GPSM1: variants seen among roughly 807,000 people sequenced by gnomAD.
GPSM1 encodes the protein G protein signaling modulator 1.
Under a neutral mutation model 70.5 loss-of-function variants are expected in GPSM1, and 48 were observed. The ratio of observed to expected loss-of-function variants is 0.68; its 90% CI spans 0.54 to 0.87. The LOEUF (loss-of-function observed/expected upper bound fraction) is 0.87. Among genes scored for constraint, GPSM1 ranks in the 40% least tolerant of loss-of-function variants. The pLI, the probability that GPSM1 is intolerant of heterozygous loss-of-function variation, is 0.00. For synonymous variants in GPSM1, 416 were observed against 430.1 expected (o/e 0.97, Z 0.41); for missense variants, 981 against 972.6 (o/e 1.01, Z -0.11).
rs61744892 is a variant in GPSM1 at position 136,349,643 on chromosome 9, G to A, written c.1335G>A (p.Ser445=). Reference sequence around the variant, plus strand: ...ACTGGCGGGGGCCCAGCAGGGACTCGCTACCCCTCCCCGTGAGGAGCAGGA... The same window carrying A: ...ACTGGCGGGGGCCCAGCAGGGACTCACTACCCCTCCCCGTGAGGAGCAGGA... ...SGDWRGPSRD[S]LPLPVRSRKY... is the part of the protein sequence containing the mutation. The change falls in exon 11 of 14, where the codon TCG becomes TCA. Residue 445 remains serine (S), a synonymous_variant. Transcript: ENST00000440944. 7.7e-6 allele frequency: 12 copies of A among 1,550,054 alleles called. No individual in the cohort carries two copies. Among genetic ancestry groups the A allele is most frequent in the African/African-American group, 5.5e-5 (4 of 73,070 alleles).
At chr9:136,357,211 G>A (rs1554773360) in intron 13 of GPSM1, among the ~76,000 whole-genome samples, 1 of 152,226 alleles carries the variant, frequency 6.6e-6, no homozygotes, top group African/African-American at 2.4e-5. Context: ...CCTGTGGGGT[G>A]CAGCCATTGC....
chr9:136,339,093 T>C (rs1458932260), intron 7 of GPSM1, among the ~76,000 whole-genome samples: 3 of 152,156 alleles, frequency 2.0e-5, no homozygotes, highest in African/African-American at 4.8e-5. Flanking sequence ...CCTGTGGCCT[T>C]TCACAGGCAG....
At chr9:136,338,487 C>G in intron 6 of GPSM1, 68 bp from the exon 7 acceptor site, 1 of 1,475,806 alleles carries the variant, frequency 6.8e-7, no homozygotes, top group Non-Finnish European at 9.2e-7. Context: ...GACTGCGTCC[C>G]CATTCTTACC....
intron 7 of GPSM1, 58 bp downstream of exon 7, chr9:136,338,768 CG>C: frequency 6.7e-7 from 1 of 1,482,842 alleles, no homozygotes; most frequent in South Asian, 1.3e-5. Context: ...TGAATTACCG[CG>C]GCCCAGGCGA....
intron 1 of GPSM1, among the ~76,000 whole-genome samples, chr9:136,331,376 C>T (rs1047574431): frequency 3.3e-5 from 5 of 151,098 alleles, no homozygotes; most frequent in Non-Finnish European, 5.9e-5. Flanking sequence ...CCCCCCCCCC[C>T]GCTGCCCCAT....
At chr9:136,349,507 C>T (rs1237570401) in intron 10 of GPSM1, 80 bp from the exon 11 acceptor site, 3 of 1,301,260 alleles carry the variant, frequency 2.3e-6, no homozygotes, top group South Asian at 2.9e-5. Context: ...TGGAGGCGGC[C>T]TGGCCTTCCC....
intron 4 of GPSM1, 147 bp from the exon 5 acceptor site, chr9:136,337,294 C>G: frequency 7.7e-7 from 1 of 1,294,936 alleles, no homozygotes; most frequent in African/African-American, 1.5e-5. Flanking sequence ...GGTCTCAGAG[C>G]TCGAGGACCC....
rs1240074544 is a variant in GPSM1, at chr9:136,349,758, C to T, written c.1450C>T (p.Arg484Cys). 25 of 1,577,938 alleles carry T rather than the reference C, an allele frequency of 1.6e-5. No homozygotes were observed. The highest frequency in any genetic ancestry group is 4.6e-5 in the East Asian group (2 of 43,500). The stretch of plus-strand genomic sequence containing the variant: ...CGCCGACGTCCGGGTGCACGTGCCA[C>T]GCACGGTAGGCGTCTTTGACGGCAG... Reference protein sequence around the residue: ...DSADVRVHVPRTSIPRAPSSD... With the variant: ...DSADVRVHVPCTSIPRAPSSD... Residue 484 changes from arginine to cysteine, a missense_variant, in exon 11 of 14, where the codon CGC becomes TGC. Transcript: ENST00000440944.
intron 1 of GPSM1, among the ~76,000 whole-genome samples, chr9:136,331,563 G>A (rs1010959102): frequency 1.3e-5 from 2 of 152,168 alleles, no homozygotes; most frequent in Non-Finnish European, 2.9e-5. Flanking sequence ...TGGGCTGGGG[G>A]CACTCACACA....
Position 136,327,557 on chromosome 9 carries a change from C to CG in GPSM1, c.-134dup, listed in dbSNP as rs1292228682. The CG allele has an allele frequency of 5.3e-6, 1 of 187,058 alleles. No individual in the cohort carries two copies. The highest frequency in any genetic ancestry group is 1.1e-5 in the Non-Finnish European group (1 of 93,984). The allele number at this position is 187,058 out of a possible 1,614,324, so 11.6% of individuals were successfully genotyped here. A position where few individuals can be genotyped will look rare whatever the true frequency, so the allele number is the denominator to read the frequency against. ...GCACATCACTTCCTCGGCGCCTCCC[C>CG]GGGGGAGGACGGGCGAACGAGGCGC... On this transcript the variant is annotated 5_prime_UTR_variant, in exon 1 of 14. Coordinates refer to ENST00000440944, the MANE Select transcript of GPSM1 (RefSeq NM_001145638.3).
intron 11 of GPSM1, chr9:136,354,933 G>A: frequency 1.9e-6 from 2 of 1,028,720 alleles, no homozygotes; most frequent in South Asian, 3.2e-5. Context: ...GGCTGGGGAG[G>A]CTGGCCCAGG....
chr9:136,351,908 T>C (rs1470232545), intron 11 of GPSM1, among the ~76,000 whole-genome samples: 1 of 152,180 alleles, frequency 6.6e-6, no homozygotes, highest in African/African-American at 2.4e-5. Context: ...GCAGCCTGTA[T>C]GGGGACTGCA....
intron 11 of GPSM1, among the ~76,000 whole-genome samples, chr9:136,352,048 TACCAATACTGCGCCGTTGCTGTTGGTGAC>T (rs1341797291): frequency 0.014 from 1,755 of 126,182 alleles, 69 homozygotes; most frequent in African/African-American, 0.047. Flanking sequence ...GTGCAGCTGA[TACCAATACTGCGCCGTTGCTGTTGGTGAC>T]ACCAATACTG....
At chr9:136,332,254 A>T (rs536226244) in intron 1 of GPSM1, 1 of 398,194 alleles carries the variant, frequency 2.5e-6, no homozygotes, top group African/African-American at 2.1e-5. Context: ...AGTGGAGGGG[A>T]CACCCACCTG....
intron 5 of GPSM1, 119 bp downstream of exon 5, chr9:136,337,683 A>G: frequency 9.4e-7 from 1 of 1,065,218 alleles, no homozygotes. Flanking sequence ...GGCCCGCCCC[A>G]CCGAGTCCTG....
At chr9:136,338,287 G>A (rs1454872270) in intron 6 of GPSM1, among the ~76,000 whole-genome samples, 1 of 152,242 alleles carries the variant, frequency 6.6e-6, no homozygotes, top group South Asian at 2.1e-4. Flanking sequence ...TGAGCAGTGG[G>A]CACAGCAGTC....
In GPSM1 at chr9:136,327,580, C is replaced by T. The variant is rs1416109178; in HGVS notation, c.-116C>T. Reference sequence around the variant, plus strand: ...CCCGGGGGAGGACGGGCGAACGAGGCGCGGACGGACAGGCGGACAGCAGGG... The same window carrying T: ...CCCGGGGGAGGACGGGCGAACGAGGTGCGGACGGACAGGCGGACAGCAGGG... On this transcript the variant is annotated 5_prime_UTR_variant, in exon 1 of 14. Transcript: ENST00000440944. 2.0e-5 allele frequency: 4 copies of T among 203,668 alleles called. No homozygotes were observed. Among genetic ancestry groups the T allele is most frequent in the Middle Eastern group, 1.9e-3 (1 of 522 alleles). 12.6% of individuals were successfully genotyped at this position (203,668 alleles called of 1,614,324 possible). A position where few individuals can be genotyped will look rare whatever the true frequency, so the allele number is the denominator to read the frequency against.
chr9:136,337,575 C>G lies in GPSM1; in HGVS notation c.702+11C>G. 1 of 1,553,200 alleles carries G rather than the reference C, an allele frequency of 6.4e-7. No homozygotes were observed. The highest frequency in any genetic ancestry group is 1.7e-4 in the Middle Eastern group (1 of 5,990). On this transcript the variant is annotated intron_variant, in intron 5 of 13. Coordinates refer to ENST00000440944, the MANE Select transcript of GPSM1 (RefSeq NM_001145638.3). ...ACCTTCCACAAGGAGGTGAGCCGGG[C>G]AGGGTGACAGGGTGGAGGGGCCGGG...
rs1330937506 is a variant in GPSM1 at position 136,358,289 on chromosome 9, G to C, written c.*69G>C. ...ACGCCGGTCTCACAGTCACAGCCAC[G>C]TCCTCCCGAGGCCATTGCCGAGGAC... is the stretch of plus-strand genomic sequence containing the variant. On this transcript the variant is annotated 3_prime_UTR_variant, in exon 14 of 14. Transcript: ENST00000440944. 1.5e-6 allele frequency: 2 copies of C among 1,341,598 alleles called. No individual in the cohort carries two copies. Among genetic ancestry groups the C allele is most frequent in the Non-Finnish European group, 2.0e-6 (2 of 977,210 alleles). The allele number at this position is 1,341,598 out of a possible 1,614,324, so 83.1% of individuals were successfully genotyped here. A position where few individuals can be genotyped will look rare whatever the true frequency, so the allele number is the denominator to read the frequency against.
Sources: allele counts gnomAD v4.1 joint callset (sites outside exome capture counted in the v4.1 genomes callset), GRCh38; gene constraint gnomAD v4.1.1; transcripts MANE v1.5; gene names NCBI Gene and HGNC (gene_info 2026-07-23, HGNC 2026-07-21).